The following ARSF variants were observed in gnomAD, a reference collection of about 807,000 sequenced individuals.
ARSF encodes arylsulfatase F.
Under a neutral mutation model 35.4 loss-of-function variants are expected in ARSF, and 33 were observed. The observed-to-expected ratio is 0.93, with a 90% CI of 0.71 to 1.25. The LOEUF (loss-of-function observed/expected upper bound fraction) is 1.25, where lower values mean the gene tolerates loss of function less well. Ranked by LOEUF, ARSF falls within the 50% of genes most tolerant of loss-of-function variation. ARSF has a pLI of 0.00. For synonymous variants in ARSF, 222 were observed against 193.1 expected (o/e 1.15, Z -1.24); for missense variants, 501 against 480.2 (o/e 1.04, Z -0.40).
intron 1 of ARSF, among the ~76,000 whole-genome samples, chrX:3,052,942 A>G (rs774505713): frequency 1.2e-4 from 13 of 111,240 alleles, no homozygotes; most frequent in Non-Finnish European, 2.3e-4. Context: ...CTTGATTATT[A>G]TTGCTGAGAA....
At chrX:3,082,414 A>G (rs1227032106) in intron 5 of ARSF, among the ~76,000 whole-genome samples, 1 of 111,098 alleles carries the variant, frequency 9.0e-6, no homozygotes, top group African/African-American at 3.3e-5. Flanking sequence ...CTGTTTGTCT[A>G]TTGATCAATC....
chrX:3,050,410 G>A (rs1291727089), intron 1 of ARSF, among the ~76,000 whole-genome samples: 26 of 109,444 alleles, frequency 2.4e-4, no homozygotes, highest in African/African-American at 8.0e-4. Context: ...GCTGGGCGTC[G>A]TGGCACGCAC....
In ARSF at chrX:3,073,669, AAT is replaced by A. The variant is rs941629554; in HGVS notation, c.161+1500_161+1501del. ...ATATATAATTATAAATATATAATTA[AAT>A]ATATAATTAATAAATATATATTATA... On this transcript the variant is annotated intron_variant, in intron 3 of 10. Coordinates refer to ENST00000381127, the MANE Select transcript of ARSF (RefSeq NM_001201539.2). Among the ~76,000 whole-genome samples, 6 of 101,055 alleles carry A rather than the reference AAT, an allele frequency of 5.9e-5. No homozygotes were observed. In the Admixed American group the frequency reaches 7.1e-4, roughly 12 times the overall value. The allele number at this position is 101,055 out of a possible 115,157, so 87.8% of individuals were successfully genotyped here. A position where few individuals can be genotyped will look rare whatever the true frequency, so the allele number is the denominator to read the frequency against.
chrX:3,102,880 C>G (rs1676775845), intron 8 of ARSF, among the ~76,000 whole-genome samples: 1 of 109,796 alleles, frequency 9.1e-6, no homozygotes, highest in Non-Finnish European at 1.9e-5. Flanking sequence ...CCACTGCACT[C>G]CAGCCTGGCA....
chrX:3,069,722 T>C lies in ARSF; in HGVS notation c.11+1611T>C, dbSNP rs756625705. On this transcript the variant is annotated intron_variant, in intron 2 of 10. Coordinates refer to ENST00000381127, the MANE Select transcript of ARSF (RefSeq NM_001201539.2). ...CTTTTTAAATTCATTTTTCTTTTTATTTTTTTCCTTTTTAAATTTCTTTTT... is the reference window on the plus strand; with the variant it reads ...CTTTTTAAATTCATTTTTCTTTTTACTTTTTTCCTTTTTAAATTTCTTTTT... 4.5e-4 allele frequency among the ~76,000 whole-genome samples: 46 copies of C among 102,310 alleles called. 1 individual carries two copies. In the South Asian group the frequency reaches 0.017, roughly 38 times the overall value. 88.8% of individuals were successfully genotyped at this position (102,310 alleles called of 115,157 possible).
At chrX:3,073,578 T>TATGTAAATATTTATTTTA (rs1412205230) in intron 3 of ARSF, among the ~76,000 whole-genome samples, 18 of 96,564 alleles carry the variant, frequency 1.9e-4, no homozygotes, top group African/African-American at 5.9e-4. Context: ...TAATTATACA[T>TATGTAAATATTTATTTTA]ATATAAATAT....
intron 4 of ARSF, among the ~76,000 whole-genome samples, chrX:3,079,693 C>G (rs2090182648): frequency 9.2e-6 from 1 of 108,906 alleles, no homozygotes; most frequent in Non-Finnish European, 1.9e-5. Flanking sequence ...GGCATGGTGG[C>G]TCACACCTGT....
intron 1 of ARSF, among the ~76,000 whole-genome samples, chrX:3,062,675 C>T (rs182736148): frequency 2.7e-5 from 3 of 111,863 alleles, no homozygotes; most frequent in Non-Finnish European, 5.6e-5. Context: ...ACTATAAACA[C>T]CTCTATGCAA....
At chrX:3,096,372 A>G (rs1369150784) in intron 7 of ARSF, among the ~76,000 whole-genome samples, 1 of 111,364 alleles carries the variant, frequency 9.0e-6, no homozygotes, top group Non-Finnish European at 1.9e-5. Flanking sequence ...GACTCATGAA[A>G]GAAAACTTGA....
chrX:3,061,145 G>A (rs1289914586), intron 1 of ARSF, among the ~76,000 whole-genome samples: 1 of 111,477 alleles, frequency 9.0e-6, no homozygotes, highest in Non-Finnish European at 1.9e-5. Flanking sequence ...GGGGGCCAAT[G>A]TTCAACATTC....
rs183617627 is a variant in ARSF, at chrX:3,091,864, G to A, written c.967+2232G>A. ...ATAGGTAGATAGATAGATGATGGATGATAGATAGATGATAAATAGACGATA... is the reference window on the plus strand; with the variant it reads ...ATAGGTAGATAGATAGATGATGGATAATAGATAGATGATAAATAGACGATA... On this transcript the variant is annotated intron_variant, in intron 7 of 10. Coordinates refer to ENST00000381127, the MANE Select transcript of ARSF (RefSeq NM_001201539.2). Among the ~76,000 whole-genome samples, 99 of 110,414 alleles carry A rather than the reference G, an allele frequency of 9.0e-4. No homozygotes were observed. The Admixed American group carries it at 9.7e-3, about 11-fold the overall frequency.
chrX:3,085,890 C>T (rs1307887690), intron 6 of ARSF, among the ~76,000 whole-genome samples: 1 of 110,865 alleles, frequency 9.0e-6, no homozygotes, highest in Admixed American at 9.7e-5. Context: ...GAAACGCCAT[C>T]TCTACTAAAA....
chrX:3,068,210 A>G, intron 2 of ARSF, 99 bp downstream of exon 2: 1 of 816,949 alleles, frequency 1.2e-6, no homozygotes. Context: ...ATTTAATATC[A>G]TCTGCCTTTT....
chrX:3,066,038 G>A (rs2090064587), intron 1 of ARSF, among the ~76,000 whole-genome samples: 1 of 111,571 alleles, frequency 9.0e-6, no homozygotes, highest in African/African-American at 3.3e-5. Context: ...GCAGTGAGCT[G>A]TGATCACCAT....
At chrX:3,079,901 G>T (rs1192320126) in intron 4 of ARSF, among the ~76,000 whole-genome samples, 1 of 99,273 alleles carries the variant, frequency 1.0e-5, no homozygotes, top group Non-Finnish European at 2.0e-5. Context: ...AGAGGTTGCA[G>T]TGAGCTGAGA....
intron 4 of ARSF, among the ~76,000 whole-genome samples, chrX:3,078,401 C>T (rs1166449981): frequency 2.7e-5 from 3 of 110,510 alleles, no homozygotes; most frequent in Non-Finnish European, 5.7e-5. Context: ...AGGCTGGTCT[C>T]GAGCTCCTGA....
At chrX:3,085,686 C>A (rs1276186862) in intron 6 of ARSF, among the ~76,000 whole-genome samples, 1 of 111,217 alleles carries the variant, frequency 9.0e-6, no homozygotes, top group Non-Finnish European at 1.9e-5. Context: ...GAGGCTTAAT[C>A]TTTACCAATA....
At chrX:3,097,476 A>G (rs1263960746) in intron 7 of ARSF, among the ~76,000 whole-genome samples, 2 of 112,017 alleles carry the variant, frequency 1.8e-5, no homozygotes, top group South Asian at 3.7e-4. Context: ...CAAAAATATC[A>G]GCAAAATTTT....
At chrX:3,075,927 C>G (rs2090144722) in intron 3 of ARSF, among the ~76,000 whole-genome samples, 1 of 107,432 alleles carries the variant, frequency 9.3e-6, no homozygotes, top group Non-Finnish European at 1.9e-5. Context: ...CTCTTTCTCT[C>G]TTTTCATCTC....
Sources: gnomAD v4.1 joint callset for allele counts (sites outside exome capture counted in the v4.1 genomes callset) on GRCh38, gnomAD v4.1.1 for gene constraint, MANE v1.5 for transcripts, NCBI Gene and HGNC (gene_info 2026-07-23, HGNC 2026-07-21) for gene names.